Variants in DLG1 observed in about 807,000 individuals in gnomAD.
The protein encoded by DLG1 is disks large homolog 1.
A neutral mutation model predicts 123.4 loss-of-function variants in DLG1; 42 were observed. That is an observed-to-expected ratio of 0.34 (90% CI 0.27 to 0.44). The LOEUF (loss-of-function observed/expected upper bound fraction) is 0.44. DLG1 is among the 20% of genes least tolerant of loss of function. DLG1 has a pLI of 1.00. For synonymous variants in DLG1, 317 were observed against 356.2 expected (o/e 0.89, Z 1.24); for missense variants, 942 against 1,082.6 (o/e 0.87, Z 1.82).
chr3:197,050,665 G>A (rs945872694), intron 24 of DLG1, among the ~76,000 whole-genome samples: 1 of 152,204 alleles, frequency 6.6e-6, no homozygotes. Flanking sequence ...AGGGACTGCA[G>A]AGTAGAAGAG....
At chr3:197,185,967 A>G (rs1318615735) in intron 5 of DLG1, among the ~76,000 whole-genome samples, 1 of 152,222 alleles carries the variant, frequency 6.6e-6, no homozygotes, top group Non-Finnish European at 1.5e-5. Context: ...TTAGGGTACA[A>G]TCTAAAGTTG....
chr3:197,071,035 A>G (rs1347875044), intron 18 of DLG1: 1 of 152,084 alleles, frequency 6.6e-6, no homozygotes, highest in African/African-American at 2.4e-5. Context: ...ACTGTTTTTC[A>G]CAAGTATCAA....
chr3:197,222,317 A>T (rs1737550494), intron 4 of DLG1, among the ~76,000 whole-genome samples: 2 of 152,164 alleles, frequency 1.3e-5, no homozygotes, highest in Non-Finnish European at 2.9e-5. Context: ...GCTGCAACAG[A>T]CATCTTTCAA....
chr3:197,194,946 A>G (rs1721624268), intron 4 of DLG1, among the ~76,000 whole-genome samples: 1 of 152,144 alleles, frequency 6.6e-6, no homozygotes, highest in Admixed American at 6.5e-5. Flanking sequence ...TTACTCCGTT[A>G]ACTTGTACAC....
At chr3:197,052,500 A>G (rs1342434777) in intron 23 of DLG1, among the ~76,000 whole-genome samples, 1 of 152,208 alleles carries the variant, frequency 6.6e-6, no homozygotes, top group East Asian at 1.9e-4. Flanking sequence ...TAAAAAAATA[A>G]AAACTAGATT....
At chr3:197,126,951 T>C (rs1779420186) in intron 11 of DLG1, among the ~76,000 whole-genome samples, 1 of 152,132 alleles carries the variant, frequency 6.6e-6, no homozygotes, top group Admixed American at 6.5e-5. Flanking sequence ...AATTCTACAA[T>C]TTAAAAAAGG....
At chr3:197,263,701 C>T (rs982958442) in intron 4 of DLG1, among the ~76,000 whole-genome samples, 1 of 152,100 alleles carries the variant, frequency 6.6e-6, no homozygotes, top group Admixed American at 6.6e-5. Context: ...GTGGGAGAAT[C>T]ACTTGAACAC....
intron 3 of DLG1, among the ~76,000 whole-genome samples, chr3:197,290,342 G>A (rs886180619): frequency 6.6e-6 from 1 of 152,118 alleles, no homozygotes; most frequent in Non-Finnish European, 1.5e-5. Context: ...TGCTAAATAT[G>A]GGTGGAAATT....
intron 22 of DLG1, among the ~76,000 whole-genome samples, chr3:197,061,232 T>C (rs1436300929): frequency 6.6e-6 from 1 of 152,194 alleles, no homozygotes; most frequent in East Asian, 1.9e-4. Context: ...AAGTAAATAA[T>C]AGACACCATG....
At chr3:197,231,460 G>A (rs1742987224) in intron 4 of DLG1, among the ~76,000 whole-genome samples, 1 of 152,080 alleles carries the variant, frequency 6.6e-6, no homozygotes, top group Non-Finnish European at 1.5e-5. Context: ...CCAACACTTT[G>A]GGAGGCCGAG....
At chr3:197,138,682 T>C (rs566684379) in intron 8 of DLG1, among the ~76,000 whole-genome samples, 1 of 152,314 alleles carries the variant, frequency 6.6e-6, no homozygotes, top group African/African-American at 2.4e-5. Flanking sequence ...TGCATGCTTA[T>C]TCTGTGTAGG....
chr3:197,194,809 CAAGAG>C (rs897226243), intron 4 of DLG1, among the ~76,000 whole-genome samples: 13 of 151,982 alleles, frequency 8.6e-5, no homozygotes, highest in African/African-American at 2.9e-4. Context: ...AGCTAGGTGA[CAAGAG>C]AAGACTGAAT....
Position 197,051,489 on chromosome 3 carries a change from T to C in DLG1, c.2575+88A>G, listed in dbSNP as rs907348699. The C allele has an allele frequency of 9.3e-6, 9 of 963,644 alleles. No individual in the cohort carries two copies. The Admixed American group carries it at 1.1e-4, about 12-fold the overall frequency. The allele number at this position is 963,644 out of a possible 1,614,324, so 59.7% of individuals were successfully genotyped here. A position where few individuals can be genotyped will look rare whatever the true frequency, so the allele number is the denominator to read the frequency against. ...TAGTTACTACGGGTAGATGTAGGCATAGTTCAAAATCCACCTGAACGGGTC... is the reference window on the plus strand; with the variant it reads ...TAGTTACTACGGGTAGATGTAGGCACAGTTCAAAATCCACCTGAACGGGTC... On this transcript the variant is annotated intron_variant, in intron 24 of 24. Transcript: ENST00000667157.
intron 4 of DLG1, among the ~76,000 whole-genome samples, chr3:197,245,900 T>TTTTTG (rs1554044956): frequency 1.2e-5 from 1 of 85,368 alleles, no homozygotes. Context: ...TTTTTTTTTT[T>TTTTTG]GGGGGGGGGG....
chr3:197,235,247 C>T (rs1031641534), intron 4 of DLG1, among the ~76,000 whole-genome samples: 5 of 152,126 alleles, frequency 3.3e-5, no homozygotes, highest in Non-Finnish European at 5.9e-5. Flanking sequence ...TGACAAAAAT[C>T]AAGACTGGTG....
intron 11 of DLG1, among the ~76,000 whole-genome samples, chr3:197,124,941 A>G (rs1019733876): frequency 7.9e-5 from 12 of 152,166 alleles, no homozygotes; most frequent in Non-Finnish European, 1.5e-4. Context: ...TTGATTATGC[A>G]AGAGAGAGAA....
At chr3:197,232,793 T>C (rs1004759636) in intron 4 of DLG1, among the ~76,000 whole-genome samples, 8 of 150,994 alleles carry the variant, frequency 5.3e-5, no homozygotes, top group Non-Finnish European at 1.2e-4. Flanking sequence ...GTGCCAAATT[T>C]GAGAACTACT....
intron 14 of DLG1, among the ~76,000 whole-genome samples, chr3:197,100,869 T>C (rs894796717): frequency 2.0e-5 from 3 of 152,196 alleles, no homozygotes; most frequent in Admixed American, 1.3e-4. Flanking sequence ...GAAAGACCAG[T>C]CATACCAGTT....
At chr3:197,130,244 T>C (rs796284700) in intron 11 of DLG1, among the ~76,000 whole-genome samples, 2 of 152,164 alleles carry the variant, frequency 1.3e-5, no homozygotes, top group South Asian at 2.1e-4. Flanking sequence ...ATTTCAATAT[T>C]TGCAAATGTT....
Sources: allele counts gnomAD v4.1 joint callset (sites outside exome capture counted in the v4.1 genomes callset), GRCh38; gene constraint gnomAD v4.1.1; transcripts MANE v1.5; gene names NCBI Gene and HGNC (gene_info 2026-07-23, HGNC 2026-07-21).